RORA: variants seen among roughly 807,000 people sequenced by gnomAD.
The protein encoded by RORA is RAR related orphan receptor A.
In RORA, 7 loss-of-function variants were observed where a neutral mutation model predicts 69.5. The observed-to-expected ratio is 0.10, with a 90% CI of 0.06 to 0.19. RORA has a LOEUF of 0.19. Among genes scored for constraint, RORA ranks in the 10% least tolerant of loss-of-function variants. The pLI is 1.00. For synonymous variants in RORA, 261 were observed against 240.8 expected, an observed-to-expected ratio of 1.08 and a Z score of -0.78; for missense variants, 457 against 663.0, an observed-to-expected ratio of 0.69 and a Z score of 3.41.
intron 2 of RORA, among the ~76,000 whole-genome samples, chr15:60,566,531 GCAATAAAGTTGGCTTCC>G (rs1157869063): frequency 6.6e-6 from 1 of 152,154 alleles, no homozygotes; most frequent in Non-Finnish European, 1.5e-5. Context: ...GAAAAATAGA[GCAATAAAGTTGGCTTCC>G]CAATAAAGTT....
intron 2 of RORA, among the ~76,000 whole-genome samples, chr15:60,641,157 G>C (rs895336646): frequency 6.6e-6 from 1 of 152,024 alleles, no homozygotes; most frequent in Admixed American, 6.6e-5. Context: ...TCGCCACATT[G>C]CCCAGGATGG....
chr15:61,205,318 A>G (rs2079930680), intron 1 of RORA, among the ~76,000 whole-genome samples: 1 of 152,184 alleles, frequency 6.6e-6, no homozygotes, highest in Non-Finnish European at 1.5e-5. Context: ...GTGGGGGGCA[A>G]TTCTGAGGAT....
At chr15:60,500,116 T>TCAGA in intron 9 of RORA, 112 bp from the exon 10 acceptor site, 1 of 647,160 alleles carries the variant, frequency 1.5e-6, no homozygotes, top group South Asian at 2.1e-5. Flanking sequence ...ATTTAGAGAC[T>TCAGA]CAGAGGCCAG....
At chr15:60,628,043 C>T (rs2069638263) in intron 2 of RORA, among the ~76,000 whole-genome samples, 2 of 152,106 alleles carry the variant, frequency 1.3e-5, no homozygotes, top group Admixed American at 6.5e-5. Context: ...ACAGATAATG[C>T]CTGTATACTT....
Position 60,892,414 on chromosome 15 carries a change from C to T in RORA, c.167-213728G>A, listed in dbSNP as rs530303243. Among the ~76,000 whole-genome samples the T allele has an allele frequency of 1.3e-5, 2 of 152,298 alleles. 1 individual carries two copies. Among genetic ancestry groups the T allele is most frequent in the African/African-American group, 4.8e-5 (2 of 41,562 alleles). ...GGAGCCAGTGAAGAAAAACTTGAAGCTTTTGCAATTTTGCTTGGACACCCA... is the reference window on the plus strand; with the variant it reads ...GGAGCCAGTGAAGAAAAACTTGAAGTTTTTGCAATTTTGCTTGGACACCCA... On this transcript the variant is annotated intron_variant, in intron 1 of 10. Transcript: ENST00000335670.
chr15:61,133,141 C>A (rs1477112775), intron 1 of RORA, among the ~76,000 whole-genome samples: 1 of 151,128 alleles, frequency 6.6e-6, no homozygotes, highest in Non-Finnish European at 1.5e-5. Context: ...ATTATCCCCC[C>A]ACCAAAAAAA....
At chr15:60,569,855 T>C (rs2067827960) in intron 2 of RORA, among the ~76,000 whole-genome samples, 1 of 152,178 alleles carries the variant, frequency 6.6e-6, no homozygotes, top group South Asian at 2.1e-4. Context: ...ATGGAAGCTA[T>C]TCAAGCCAAT....
rs112536698 is a variant in RORA at position 60,624,413 on chromosome 15, G to A, written c.196+54244C>T. ...TCCTTTGAATCCAGGGACACGACCC[G>A]CTGATATAAGTTAACCTCATTACCA... On this transcript the variant is annotated intron_variant, in intron 2 of 10. Coordinates refer to ENST00000335670, the MANE Select transcript of RORA (RefSeq NM_134261.3). Among the ~76,000 whole-genome samples, 961 of 138,874 alleles carry A rather than the reference G, an allele frequency of 6.9e-3. 13 individuals are homozygous for A. The highest frequency in any genetic ancestry group is 0.025 in the African/African-American group (908 of 36,806). The allele number at this position is 138,874 out of a possible 152,430, so 91.1% of individuals were successfully genotyped here. A position where few individuals can be genotyped will look rare whatever the true frequency, so the allele number is the denominator to read the frequency against.
At chr15:60,898,767 T>A (rs1891302860) in intron 1 of RORA, among the ~76,000 whole-genome samples, 1 of 152,086 alleles carries the variant, frequency 6.6e-6, no homozygotes, top group Admixed American at 6.6e-5. Flanking sequence ...GCATTCTGGC[T>A]TTTTTGGTTT....
At chr15:61,135,796 A>G (rs2140853935) in intron 1 of RORA, among the ~76,000 whole-genome samples, 1 of 152,338 alleles carries the variant, frequency 6.6e-6, no homozygotes, top group South Asian at 2.1e-4. Flanking sequence ...CATCACTGAC[A>G]GCCAAACCAC....
At chr15:60,653,265 G>C (rs1011542003) in intron 2 of RORA, among the ~76,000 whole-genome samples, 1 of 151,746 alleles carries the variant, frequency 6.6e-6, no homozygotes, top group African/African-American at 2.4e-5. Context: ...CAGATACAAG[G>C]TCGTCCTTTG....
chr15:60,997,007 T>G (rs4265751), intron 1 of RORA, among the ~76,000 whole-genome samples: 92,387 of 151,774 alleles, frequency 0.61, 28,491 homozygotes, highest in African/African-American at 0.7. Context: ...GGGTCAAAAA[T>G]TTTTTTATGG....
chr15:60,962,426 T>C (rs781170123), intron 1 of RORA, among the ~76,000 whole-genome samples: 18 of 152,232 alleles, frequency 1.2e-4, no homozygotes, highest in Admixed American at 2.0e-4. Flanking sequence ...TCTCAGACAG[T>C]GTCTCAGGCA....
intron 1 of RORA, among the ~76,000 whole-genome samples, chr15:61,224,813 T>A (rs2080131063): frequency 1.3e-5 from 2 of 152,076 alleles, no homozygotes; most frequent in African/African-American, 4.8e-5. Context: ...ACTTCAGGAG[T>A]CTAGTGTGGA....
At chr15:60,947,274 T>C (rs1372414718) in intron 1 of RORA, among the ~76,000 whole-genome samples, 2 of 152,166 alleles carry the variant, frequency 1.3e-5, no homozygotes, top group African/African-American at 2.4e-5. Flanking sequence ...GGGGAAAAGA[T>C]AGAGAAATCA....
intron 1 of RORA, among the ~76,000 whole-genome samples, chr15:61,011,451 T>C (rs1436469546): frequency 4.6e-5 from 7 of 152,164 alleles, no homozygotes; most frequent in Non-Finnish European, 7.3e-5. Context: ...TTTAAATGTA[T>C]AAATCTCACT....
chr15:60,861,479 G>A (rs1210219100), intron 1 of RORA, among the ~76,000 whole-genome samples: 3 of 152,080 alleles, frequency 2.0e-5, no homozygotes, highest in Admixed American at 2.0e-4. Flanking sequence ...CATGCTCTTC[G>A]TCAAGCAAAA....
intron 1 of RORA, among the ~76,000 whole-genome samples, chr15:61,012,330 AGT>A (rs1895112206): frequency 6.6e-6 from 1 of 152,244 alleles, no homozygotes; most frequent in Admixed American, 6.5e-5. Context: ...AAATTGGTAC[AGT>A]AATCTTTGCT....
At chr15:60,748,900 G>A (rs1489434419) in intron 1 of RORA, among the ~76,000 whole-genome samples, 1 of 152,106 alleles carries the variant, frequency 6.6e-6, no homozygotes, top group African/African-American at 2.4e-5. Flanking sequence ...AGTACACGGA[G>A]GAACTCTAGA....
Sources: allele counts gnomAD v4.1 joint callset (sites outside exome capture counted in the v4.1 genomes callset), GRCh38; gene constraint gnomAD v4.1.1; transcripts MANE v1.5; gene names NCBI Gene and HGNC (gene_info 2026-07-23, HGNC 2026-07-21).